Variants in MYRFL observed in about 807,000 individuals in gnomAD.
The protein encoded by MYRFL is myelin regulatory factor-like protein.
In MYRFL, 88 loss-of-function variants were observed where a neutral mutation model predicts 109.4. The ratio of observed to expected loss-of-function variants is 0.80; its 90% confidence interval spans 0.68 to 0.96. MYRFL has a LOEUF of 0.96. Ranked by LOEUF, MYRFL falls within the 40% of genes least tolerant of loss-of-function variation. The pLI is 0.00. For missense variants in MYRFL, 957 were observed against 954.9 expected (o/e 1.00, Z -0.03); for synonymous variants, 324 against 320.9 (o/e 1.01, Z -0.10).
intron 2 of MYRFL, among the ~76,000 whole-genome samples, chr12:69,870,005 A>C (rs1199813015): frequency 5.9e-5 from 9 of 152,258 alleles, no homozygotes; most frequent in African/African-American, 2.2e-4. Flanking sequence ...ATCCTCCAAA[A>C]GACAAAAAAC....
chr12:69,893,800 TC>T lies in MYRFL; in HGVS notation c.943del (p.Gln315LysfsTer24). ...CAATCAAATAATTGCTATTGAACAG[TC>T]CCAAGCAGATAGGAGCAAAAAGATT... ...ATNQIIAIEQSQADRSKKIFN... is the reference protein window; with the variant it reads ...ATNQIIAIEQXQADRSKKIFN... On this transcript the variant is annotated frameshift_variant, in exon 8 of 25. Coordinates refer to ENST00000552032, the MANE Select transcript of MYRFL (RefSeq NM_182530.3). LOFTEE classifies it high-confidence loss of function. The T allele has an allele frequency of 7.1e-7, 1 of 1,413,814 alleles. No individual in the cohort carries two copies. The highest frequency in any genetic ancestry group is 1.7e-5 in the South Asian group (1 of 59,058). The allele number at this position is 1,413,814 out of a possible 1,614,324, so 87.6% of individuals were successfully genotyped here. A position where few individuals can be genotyped will look rare whatever the true frequency, so the allele number is the denominator to read the frequency against.
chr12:69,835,774 C>T (rs1430086725), intron 1 of MYRFL, among the ~76,000 whole-genome samples: 3 of 152,214 alleles, frequency 2.0e-5, no homozygotes, highest in African/African-American at 7.2e-5. Flanking sequence ...CAGTGGCTCG[C>T]TTCTTCAGTG....
intron 2 of MYRFL, among the ~76,000 whole-genome samples, chr12:69,859,062 A>T (rs1020299849): frequency 2.0e-5 from 3 of 151,964 alleles, no homozygotes; most frequent in Admixed American, 6.6e-5. Context: ...TCAGTTCAAA[A>T]TACTTTCAAA....
intron 2 of MYRFL, among the ~76,000 whole-genome samples, chr12:69,860,988 A>ATATGCAG: frequency 6.8e-6 from 1 of 147,008 alleles, no homozygotes; most frequent in South Asian, 2.2e-4. Context: ...ATGAGCGAGA[A>ATATGCAG]TATGCAGTGT....
At chr12:69,827,962 T>C (rs535721053) in intron 1 of MYRFL, among the ~76,000 whole-genome samples, 31 of 152,234 alleles carry the variant, frequency 2.0e-4, no homozygotes, top group African/African-American at 7.0e-4. Flanking sequence ...ATTATGAAGA[T>C]TTTTATTTTC....
At chr12:69,910,752 G>A (rs1954542261) in intron 12 of MYRFL, 69 bp from the exon 13 acceptor site, 3 of 1,185,410 alleles carry the variant, frequency 2.5e-6, no homozygotes, top group South Asian at 2.8e-5. Context: ...CAAAGCAAAA[G>A]CTTAGAGAGG....
chr12:69,854,832 A>G (rs1288866912), intron 1 of MYRFL, among the ~76,000 whole-genome samples: 2 of 152,182 alleles, frequency 1.3e-5, no homozygotes, highest in Admixed American at 1.3e-4. Context: ...ATTTCTGTTT[A>G]TCAGTTGTAT....
chr12:69,842,752 A>G (rs1883318459), intron 1 of MYRFL, among the ~76,000 whole-genome samples: 1 of 152,138 alleles, frequency 6.6e-6, no homozygotes, highest in African/African-American at 2.4e-5. Flanking sequence ...TACCTAGTGA[A>G]TCCCTACTTA....
intron 16 of MYRFL, 22 bp from the exon 17 acceptor site, chr12:69,936,091 T>TTG: frequency 7.2e-7 from 1 of 1,390,228 alleles, no homozygotes; most frequent in Non-Finnish European, 9.3e-7. Flanking sequence ...TTTTTTTTTT[T>TTG]TTTTTTTTTT....
At chr12:69,913,661 G>C (rs1011646420) in intron 13 of MYRFL, among the ~76,000 whole-genome samples, 1 of 152,126 alleles carries the variant, frequency 6.6e-6, no homozygotes, top group Non-Finnish European at 1.5e-5. Flanking sequence ...CTGTATGTCT[G>C]TCTTTATGCC....
chr12:69,867,094 A>T (rs551171840), intron 2 of MYRFL, among the ~76,000 whole-genome samples: 1 of 152,240 alleles, frequency 6.6e-6, no homozygotes, highest in Admixed American at 6.5e-5. Flanking sequence ...ATTGCCCTTA[A>T]CTCTTTATTT....
At chr12:69,895,731 G>T (rs749070907) in intron 9 of MYRFL, among the ~76,000 whole-genome samples, 2 of 152,192 alleles carry the variant, frequency 1.3e-5, no homozygotes, top group Middle Eastern at 3.4e-3. Flanking sequence ...TGGCTCGATT[G>T]CCTCCATGTT....
At chr12:69,911,504 TC>T (rs1423120338) in intron 13 of MYRFL, among the ~76,000 whole-genome samples, 1 of 152,238 alleles carries the variant, frequency 6.6e-6, no homozygotes, top group Non-Finnish European at 1.5e-5. Context: ...ATCATTTTTT[TC>T]CCAAGGGCCT....
chr12:69,954,765 G>T (rs979758438), intron 21 of MYRFL, among the ~76,000 whole-genome samples: 4 of 152,098 alleles, frequency 2.6e-5, no homozygotes, highest in South Asian at 4.1e-4. Flanking sequence ...GTTACAATAC[G>T]AATCAAAGGA....
intron 7 of MYRFL, 110 bp from the exon 8 acceptor site, chr12:69,893,654 C>A: frequency 4.6e-6 from 2 of 437,128 alleles, no homozygotes; most frequent in Non-Finnish European, 7.3e-6. Context: ...TTCCTCCTGC[C>A]CAGTGCCTAG....
rs1292173465 is a variant in MYRFL, at chr12:69,952,821, T to C, written c.2310T>C (p.Ser770=). The part of the protein sequence containing the change: ...ESDWIDTTIS[S]IQIMEIQQII... ...CAGGGATTGATACAACCATCAGTTC[T>C]ATTCAGATTATGGAAATCCAGCAAA... Residue 770 remains serine, a synonymous_variant, in exon 21 of 25, where the codon TCT becomes TCC. Transcript: ENST00000552032. 2.0e-6 allele frequency: 3 copies of C among 1,534,730 alleles called. No individual in the cohort carries two copies. In the African/African-American group the frequency reaches 4.1e-5, roughly 21 times the overall value.
intron 13 of MYRFL, among the ~76,000 whole-genome samples, chr12:69,924,933 C>G (rs1336258969): frequency 6.6e-6 from 1 of 152,192 alleles, no homozygotes; most frequent in Non-Finnish European, 1.5e-5. Context: ...TCCATTCTTA[C>G]TGAGCATTTC....
At position 69,927,777 on chromosome 12, in the gene MYRFL, A is replaced by T. The variant is rs1384638221; in HGVS notation, c.1830+29A>T. ...AATAGACACATTTACAATGAAAGGAAATGATGTTTTCTACTTAAAAAGTCT... is the reference window on the plus strand; with the variant it reads ...AATAGACACATTTACAATGAAAGGATATGATGTTTTCTACTTAAAAAGTCT... On this transcript the variant is annotated intron_variant, in intron 15 of 24. Coordinates refer to ENST00000552032, the MANE Select transcript of MYRFL (RefSeq NM_182530.3). The T allele has an allele frequency of 3.3e-6, 5 of 1,502,536 alleles. No individual in the cohort carries two copies. In the Admixed American group the frequency reaches 9.0e-5, roughly 27 times the overall value. The allele number at this position is 1,502,536 out of a possible 1,614,324, so 93.1% of individuals were successfully genotyped here.
chr12:69,909,703 GC>G (rs1338890028), intron 11 of MYRFL, among the ~76,000 whole-genome samples: 3 of 152,192 alleles, frequency 2.0e-5, no homozygotes, highest in African/African-American at 7.2e-5. Flanking sequence ...AGTTGGGACA[GC>G]CTTTAATGAT....
Sources: allele counts gnomAD v4.1 joint callset (sites outside exome capture counted in the v4.1 genomes callset), GRCh38; gene constraint gnomAD v4.1.1; transcripts MANE v1.5; gene names NCBI Gene and HGNC (gene_info 2026-07-23, HGNC 2026-07-21).